TAF1B: variants seen among roughly 807,000 people sequenced by gnomAD.
The protein encoded by TAF1B is TATA-box binding protein associated factor, RNA polymerase I subunit B.
Under a neutral mutation model 83.9 loss-of-function variants are expected in TAF1B, and 61 were observed. The observed-to-expected ratio is 0.73, with a 90% CI of 0.59 to 0.90. TAF1B has a LOEUF of 0.90. Among genes scored for constraint, TAF1B ranks in the 40% least tolerant of loss-of-function variants. TAF1B has a pLI of 0.00. For missense variants in TAF1B, 625 were observed against 677.0 expected (o/e 0.92, Z 0.85); for synonymous variants, 221 against 224.6 (o/e 0.98, Z 0.14).
chr2:9,903,011 A>G (rs1213600635), intron 8 of TAF1B, among the ~76,000 whole-genome samples: 1 of 152,162 alleles, frequency 6.6e-6, no homozygotes. Flanking sequence ...TTCTGAGATT[A>G]TCTTATTCAT....
intron 11 of TAF1B, 39 bp from the exon 12 acceptor site, chr2:9,913,120 G>A (rs1231416684): frequency 6.6e-7 from 1 of 1,510,918 alleles, no homozygotes; most frequent in Admixed American, 1.8e-5. Context: ...TTATAGTGTG[G>A]TTTATTTGGT....
At chr2:9,843,695 G>C in intron 1 of TAF1B, 136 bp downstream of exon 1, 2 of 1,050,830 alleles carry the variant, frequency 1.9e-6, no homozygotes, top group Non-Finnish European at 2.7e-6. Context: ...GAGGGCTGCA[G>C]GGCGGGCTAA....
At chr2:9,860,826 T>C (rs142072097) in intron 5 of TAF1B, among the ~76,000 whole-genome samples, 225 of 152,250 alleles carry the variant, frequency 1.5e-3, no homozygotes, top group African/African-American at 5.3e-3. Flanking sequence ...TTGATTGGAA[T>C]GGAATATAAG....
chr2:9,930,092 G>C (rs766807739), intron 14 of TAF1B, among the ~76,000 whole-genome samples: 2 of 151,780 alleles, frequency 1.3e-5, no homozygotes, highest in African/African-American at 2.4e-5. Flanking sequence ...TCTTGCTAGC[G>C]GTCTATCAAT....
intron 9 of TAF1B, among the ~76,000 whole-genome samples, chr2:9,907,699 T>C (rs1367386): frequency 0.18 from 27,380 of 152,100 alleles, 3,127 homozygotes; most frequent in East Asian, 0.31. Flanking sequence ...TTCATGATCA[T>C]TTATGTAATT....
At chr2:9,843,446 C>A, upstream of TAF1B, 1 of 1,371,870 alleles carries the variant, frequency 7.3e-7, no homozygotes, top group South Asian at 1.3e-5. Flanking sequence ...GCGCGGATCT[C>A]GCGTTTCCGG....
intron 5 of TAF1B, among the ~76,000 whole-genome samples, chr2:9,858,500 G>A (rs1353001733): frequency 1.3e-5 from 2 of 152,222 alleles, no homozygotes; most frequent in Non-Finnish European, 2.9e-5. Context: ...AGCTCCACTA[G>A]GCAGTGCTCC....
At chr2:9,854,213 GA>G in intron 4 of TAF1B, 112 bp from the exon 5 acceptor site, 1 of 743,050 alleles carries the variant, frequency 1.3e-6, no homozygotes, top group Non-Finnish European at 2.3e-6. Flanking sequence ...ACATTTACTG[GA>G]AATTTATATG....
intron 4 of TAF1B, among the ~76,000 whole-genome samples, chr2:9,852,998 G>A (rs1011029542): frequency 6.6e-6 from 1 of 152,232 alleles, no homozygotes; most frequent in Non-Finnish European, 1.5e-5. Context: ...TCAGAAGCAT[G>A]AAGCAACAGA....
chr2:9,849,590 C>T, intron 3 of TAF1B, 130 bp downstream of exon 3: 1 of 580,738 alleles, frequency 1.7e-6, no homozygotes, highest in Non-Finnish European at 2.9e-6. Context: ...GGCATACGTT[C>T]TTCTATCCTA....
chr2:9,888,864 C>A (rs1199100495), intron 8 of TAF1B, among the ~76,000 whole-genome samples: 3 of 140,008 alleles, frequency 2.1e-5, no homozygotes, highest in Admixed American at 7.6e-5. Context: ...AGTGCAGTGG[C>A]ATGATCCCGG....
intron 5 of TAF1B, among the ~76,000 whole-genome samples, chr2:9,866,247 A>ACCC (rs1663971774): frequency 3.9e-5 from 6 of 151,900 alleles, no homozygotes; most frequent in Non-Finnish European, 8.8e-5. Context: ...CAGGAAAAAA[A>ACCC]CAAACAACCC....
At chr2:9,862,923 C>T (rs1403142653) in intron 5 of TAF1B, among the ~76,000 whole-genome samples, 22 of 152,166 alleles carry the variant, frequency 1.4e-4, no homozygotes, top group African/African-American at 4.8e-4. Flanking sequence ...CAGGCCTGCC[C>T]TAAAAGAGCT....
At chr2:9,880,688 G>A (rs184795727) in intron 7 of TAF1B, among the ~76,000 whole-genome samples, 1 of 152,080 alleles carries the variant, frequency 6.6e-6, no homozygotes, top group East Asian at 1.9e-4. Flanking sequence ...TAGGGTGGGA[G>A]TGTGGAAGAC....
intron 7 of TAF1B, among the ~76,000 whole-genome samples, chr2:9,879,880 C>T (rs1048423575): frequency 6.6e-6 from 1 of 152,210 alleles, no homozygotes; most frequent in South Asian, 2.1e-4. Context: ...ATTTTCAGGA[C>T]ATATCACTCT....
At chr2:9,896,690 C>A (rs1402670808) in intron 8 of TAF1B, among the ~76,000 whole-genome samples, 1 of 142,324 alleles carries the variant, frequency 7.0e-6, no homozygotes, top group Non-Finnish European at 1.5e-5. Flanking sequence ...GCTTTCTTTC[C>A]ATTAAGTTGT....
At chr2:9,926,602 G>A (rs1033452930) in intron 14 of TAF1B, among the ~76,000 whole-genome samples, 2 of 152,074 alleles carry the variant, frequency 1.3e-5, no homozygotes, top group Non-Finnish European at 2.9e-5. Context: ...ACTTTGGGAG[G>A]CTGAGGTGGG....
At chr2:9,919,917 A>G (rs1558268005) in intron 14 of TAF1B, 97 bp downstream of exon 14, 1 of 1,138,702 alleles carries the variant, frequency 8.8e-7, no homozygotes, top group East Asian at 2.6e-5. Context: ...TGGTGAGCTT[A>G]AAGTCACGAA....
Position 9,919,799 on chromosome 2 carries a change from G to A in TAF1B, c.1544G>A (p.Ser515Asn). The change falls in exon 14 of 15, where the codon AGT (serine) becomes AAT (asparagine). Residue 515 changes from serine (S) to asparagine (N), a missense_variant. Coordinates refer to ENST00000263663, the MANE Select transcript of TAF1B (RefSeq NM_005680.3). ...ACTAAGAATTCATTATATTGGCTTA[G>A]TACACAGAAATTCTGCAGATGGTAA... is the stretch of plus-strand genomic sequence containing the variant. ...LLTKNSLYWL[S>N]TQKFCRCYCT... 1 of 1,613,998 alleles carries A rather than the reference G, an allele frequency of 6.2e-7. No individual in the cohort carries two copies. The highest frequency in any genetic ancestry group is 8.5e-7 in the Non-Finnish European group (1 of 1,179,932).
Sources: allele counts gnomAD v4.1 joint callset (sites outside exome capture counted in the v4.1 genomes callset), GRCh38; gene constraint gnomAD v4.1.1; transcripts MANE v1.5; gene names NCBI Gene and HGNC (gene_info 2026-07-23, HGNC 2026-07-21).